The following ABLIM2 variants were observed in gnomAD, a reference collection of about 807,000 sequenced individuals.
The protein encoded by ABLIM2 is actin-binding LIM protein 2.
Under a neutral mutation model 97.7 loss-of-function variants are expected in ABLIM2, and 53 were observed. The observed-to-expected ratio is 0.54, with a 90% CI of 0.44 to 0.68. ABLIM2 has a LOEUF of 0.68. Among genes scored for constraint, ABLIM2 ranks in the 30% least tolerant of loss-of-function variants. The probability of loss-of-function intolerance (pLI) is 0.00; values close to 1 mark genes in which losing one functional copy is unlikely to be tolerated. For synonymous variants in ABLIM2, 361 were observed against 345.8 expected, an observed-to-expected ratio of 1.04 and a Z score of -0.49; for missense variants, 835 against 867.2, an observed-to-expected ratio of 0.96 and a Z score of 0.47.
In ABLIM2 at chr4:8,071,540, C is replaced by T. The variant is rs563301690; in HGVS notation, c.675+6088G>A. 3.3e-5 allele frequency among the ~76,000 whole-genome samples: 5 copies of T among 152,196 alleles called. No homozygotes were observed. The highest frequency in any genetic ancestry group is 1.9e-4 in the East Asian group (1 of 5,172). On this transcript the variant is annotated intron_variant, in intron 6 of 20. Transcript: ENST00000447017. The surrounding 1 kb of genome is among the most constrained non-coding windows in gnomAD (Gnocchi z 6.2). ...CCACCACACGCAGACACAGCACAGG[C>T]GAGGGCTCGGCTGGCAGTGGGAGCC...
At chr4:8,060,442 A>G (rs1042445262) in intron 7 of ABLIM2, among the ~76,000 whole-genome samples, 2 of 152,080 alleles carry the variant, frequency 1.3e-5, no homozygotes, top group African/African-American at 4.8e-5. Context: ...CCTTTCGTCA[A>G]TGCTCTGTGG....
chr4:8,116,475 G>A lies in ABLIM2; in HGVS notation c.11-9838C>T, dbSNP rs145848663. On this transcript the variant is annotated intron_variant, in intron 1 of 20. Transcript: ENST00000447017. The stretch of plus-strand genomic sequence containing the variant: ...GCCCAGGAACGGGTTCTCTAAATCC[G>A]TGGGTTTCCACTTGGGGACCCTGGG... Among the ~76,000 whole-genome samples the A allele has an allele frequency of 8.7e-4, 132 of 152,292 alleles. 1 individual carries two copies. Among genetic ancestry groups the A allele is most frequent in the Admixed American group, 6.7e-3 (102 of 15,298 alleles).
At chr4:8,108,561 A>T (rs1561469271) in intron 1 of ABLIM2, among the ~76,000 whole-genome samples, 1 of 152,264 alleles carries the variant, frequency 6.6e-6, no homozygotes. Context: ...CCACATGGCC[A>T]GGACTTGACT....
intron 8 of ABLIM2, among the ~76,000 whole-genome samples, chr4:8,050,735 G>A (rs1262713174): frequency 7.0e-6 from 1 of 142,834 alleles, no homozygotes; most frequent in East Asian, 2.1e-4. Context: ...GAAGCGCCAG[G>A]CCCTCCGGAC....
Position 8,005,087 on chromosome 4 carries a change from C to A in ABLIM2, c.1618+2972G>T, listed in dbSNP as rs1760204598. On this transcript the variant is annotated intron_variant, in intron 16 of 20. Coordinates refer to ENST00000447017, the MANE Select transcript of ABLIM2 (RefSeq NM_001130083.2). The surrounding 1 kb of genome is among the most constrained non-coding windows in gnomAD (Gnocchi z 4.9). ...TGAATGACTGAATGATGAACTCAGT[C>A]CCGGGTGAGATGTGCAGATGGTGTT... Among the ~76,000 whole-genome samples the A allele has an allele frequency of 6.6e-6, 1 of 152,190 alleles. No individual in the cohort carries two copies. The highest frequency in any genetic ancestry group is 2.1e-4 in the South Asian group (1 of 4,828).
chr4:8,146,878 A>G (rs1350988158), intron 1 of ABLIM2, among the ~76,000 whole-genome samples: 1 of 151,974 alleles, frequency 6.6e-6, no homozygotes, highest in Non-Finnish European at 1.5e-5. Flanking sequence ...ATAAATATCA[A>G]GAAATATAAT....
At position 8,002,300 on chromosome 4, in the gene ABLIM2, C is replaced by T. The variant is rs1031776642; in HGVS notation, c.1618+5759G>A. 2.6e-5 allele frequency among the ~76,000 whole-genome samples: 4 copies of T among 152,154 alleles called. No individual in the cohort carries two copies. Among genetic ancestry groups the T allele is most frequent in the African/African-American group, 4.8e-5 (2 of 41,436 alleles). ...ATCTCTGAATAAAGGTGGCCTCTGC[C>T]GGCCTGCACCAGAGCCAACCCAGTG... On this transcript the variant is annotated intron_variant, in intron 16 of 20. Coordinates refer to ENST00000447017, the MANE Select transcript of ABLIM2 (RefSeq NM_001130083.2). The surrounding 1 kb of genome is among the most constrained non-coding windows in gnomAD (Gnocchi z 6.1).
chr4:8,106,414 C>T, intron 2 of ABLIM2, 80 bp downstream of exon 2: 3 of 1,541,014 alleles, frequency 1.9e-6, no homozygotes, highest in Non-Finnish European at 2.6e-6. Flanking sequence ...CAGAGCTTCC[C>T]AGGAGGCTTT....
intron 4 of ABLIM2, among the ~76,000 whole-genome samples, chr4:8,081,827 G>A (rs1030937089): frequency 1.3e-5 from 2 of 152,158 alleles, no homozygotes; most frequent in Non-Finnish European, 2.9e-5. Flanking sequence ...CAACTGGGAC[G>A]GAGCAGGGCC....
intron 6 of ABLIM2, among the ~76,000 whole-genome samples, chr4:8,076,504 C>T (rs1231740746): frequency 6.6e-6 from 1 of 152,106 alleles, no homozygotes; most frequent in Non-Finnish European, 1.5e-5. Flanking sequence ...CTCAGTGCCC[C>T]TCCCTACAGC....
At chr4:8,062,438 CTTT>C (rs999245352) in intron 6 of ABLIM2, among the ~76,000 whole-genome samples, 3 of 143,534 alleles carry the variant, frequency 2.1e-5, no homozygotes, top group Non-Finnish European at 1.5e-5. Context: ...GGGTAGCACT[CTTT>C]TTTTTTTTTT....
chr4:8,129,520 G>A (rs572857632), intron 1 of ABLIM2, among the ~76,000 whole-genome samples: 30 of 152,322 alleles, frequency 2.0e-4, no homozygotes, highest in African/African-American at 6.0e-4. Flanking sequence ...ACTAAGACAC[G>A]CTGTAAGACA....
At chr4:8,037,298 A>ACACACGCACATGCATGCG (rs1785113238) in intron 9 of ABLIM2, among the ~76,000 whole-genome samples, 1 of 151,792 alleles carries the variant, frequency 6.6e-6, no homozygotes, top group Non-Finnish European at 1.5e-5. Context: ...ACACATGCAC[A>ACACACGCACATGCATGCG]CACACACGCA....
At chr4:8,109,202 TTC>T (rs56030661) in intron 1 of ABLIM2, among the ~76,000 whole-genome samples, 27,384 of 152,150 alleles carry the variant, frequency 0.18, 3,164 homozygotes, top group Non-Finnish European at 0.26. Context: ...CTGAGTGAGT[TTC>T]TGAGGCACAG....
At position 8,068,223 on chromosome 4, in the gene ABLIM2, G is replaced by A. The variant is rs989189452; in HGVS notation, c.676-7169C>T. Among the ~76,000 whole-genome samples the A allele has an allele frequency of 2.6e-5, 4 of 152,216 alleles. No individual in the cohort carries two copies. Among genetic ancestry groups the A allele is most frequent in the African/African-American group, 9.6e-5 (4 of 41,464 alleles). ...CCACCCTCGCCCGCGTGGGGCTCAT[G>A]ATGGCTCGGATTTCAAAATATATGA... On this transcript the variant is annotated intron_variant, in intron 6 of 20. Transcript: ENST00000447017. The surrounding 1 kb of genome is among the most constrained non-coding windows in gnomAD (Gnocchi z 4.5).
At chr4:8,086,565 G>A (rs1285618701) in intron 4 of ABLIM2, among the ~76,000 whole-genome samples, 3 of 151,838 alleles carry the variant, frequency 2.0e-5, no homozygotes, top group Non-Finnish European at 4.4e-5. Flanking sequence ...GGCTGGTCTC[G>A]GACTCCTGGC....
chr4:8,119,434 T>A (rs1844306205), intron 1 of ABLIM2, among the ~76,000 whole-genome samples: 1 of 151,656 alleles, frequency 6.6e-6, no homozygotes, highest in Non-Finnish European at 1.5e-5. Flanking sequence ...TTCAAGTGAT[T>A]TGCCTCCCTT....
At chr4:8,106,706 C>A (rs146685465) in intron 1 of ABLIM2, 69 bp from the exon 2 acceptor site, 1 of 1,516,002 alleles carries the variant, frequency 6.6e-7, no homozygotes, top group East Asian at 2.3e-5. Flanking sequence ...GCAAAGCAGG[C>A]GTGTGAGGAC....
chr4:8,090,484 T>C (rs954355086), intron 3 of ABLIM2, among the ~76,000 whole-genome samples: 1 of 152,208 alleles, frequency 6.6e-6, no homozygotes. Flanking sequence ...GCTATGATTG[T>C]ATTTCCTCAA....
Sources: gnomAD v4.1 joint callset for allele counts (sites outside exome capture counted in the v4.1 genomes callset) on GRCh38, gnomAD v4.1.1 for gene constraint, Gnocchi (gnomAD v3.1) non-coding constraint, MANE v1.5 for transcripts, NCBI Gene and HGNC (gene_info 2026-07-23, HGNC 2026-07-21) for gene names.